Variants in FHAD1 observed in about 807,000 individuals in gnomAD.
FHAD1 encodes forkhead-associated domain-containing protein 1.
FHAD1 carries 146 observed loss-of-function variants against 191.3 expected under a neutral mutation model. The ratio of observed to expected loss-of-function variants is 0.76; its 90% CI spans 0.67 to 0.88. FHAD1 has a LOEUF of 0.88. Ranked by LOEUF, FHAD1 falls within the 40% of genes least tolerant of loss-of-function variation. The probability of loss-of-function intolerance (pLI) is 0.00; values close to 1 mark genes in which losing one functional copy is unlikely to be tolerated. For synonymous variants in FHAD1, 616 were observed against 672.3 expected (o/e 0.92, Z 1.29); for missense variants, 1,635 against 1,785.8 (o/e 0.92, Z 1.52).
intron 1 of FHAD1, among the ~76,000 whole-genome samples, chr1:15,238,250 G>GGAAA (rs375763210): frequency 1.0e-5 from 1 of 96,904 alleles, no homozygotes; most frequent in Non-Finnish European, 1.9e-5. Context: ...CCATCTCAAG[G>GGAAA]AAAAAAAAAA....
At chr1:15,368,870 G>A (rs1056428367) in intron 25 of FHAD1, among the ~76,000 whole-genome samples, 1 of 152,102 alleles carries the variant, frequency 6.6e-6, no homozygotes, top group East Asian at 1.9e-4. Context: ...CCTGGGAGGC[G>A]GAGGTTGCAG....
chr1:15,244,347 G>A (rs571726563), upstream of FHAD1, among the ~76,000 whole-genome samples: 1 of 152,206 alleles, frequency 6.6e-6, no homozygotes, highest in African/African-American at 2.4e-5. This position sits in a 1 kb window ranked among gnomAD's most constrained non-coding sequence, Gnocchi z 5.1. Context: ...GTTTTTCATT[G>A]AGATATCAGC....
intron 2 of FHAD1, among the ~76,000 whole-genome samples, chr1:15,255,166 AAAG>A (rs1213841122): frequency 3.9e-5 from 6 of 152,102 alleles, no homozygotes; most frequent in African/African-American, 1.4e-4. Flanking sequence ...CCTAGCAAAG[AAAG>A]AAGATTGTTT....
At chr1:15,358,036 GGT>G (rs1166891299) in intron 20 of FHAD1, 72 bp from the exon 21 acceptor site, 1 of 1,053,334 alleles carries the variant, frequency 9.5e-7, no homozygotes, top group African/African-American at 1.6e-5. Context: ...TGTCCTTGAA[GGT>G]GGGGGATAAG....
At chr1:15,243,600 C>T (rs1408047090), upstream of FHAD1, among the ~76,000 whole-genome samples, 1 of 152,212 alleles carries the variant, frequency 6.6e-6, no homozygotes, top group Non-Finnish European at 1.5e-5. Context: ...AAGAACAGCC[C>T]AGAGAAGGTG....
At chr1:15,367,708 GC>G (rs1243871237) in intron 25 of FHAD1, 86 bp downstream of exon 25, 12 of 1,081,714 alleles carry the variant, frequency 1.1e-5, no homozygotes, top group Non-Finnish European at 1.4e-5. Flanking sequence ...CTCAGTACAT[GC>G]TGCTTGAGGA....
At chr1:15,299,947 C>G (rs966649442) in intron 5 of FHAD1, among the ~76,000 whole-genome samples, 3 of 152,180 alleles carry the variant, frequency 2.0e-5, no homozygotes, top group Non-Finnish European at 4.4e-5. Context: ...TGACCAAAAC[C>G]CTGTGGTTCC....
At position 15,318,308 on chromosome 1, in the gene FHAD1, A is replaced by C. The variant is rs1054128121; in HGVS notation, c.1365+380A>C. ...GTATTGCATACTCCAGACCTGCGCT[A>C]TCCATAACAGTAGCCACTAACCGCG... On this transcript the variant is annotated intron_variant, in intron 10 of 33. Transcript: ENST00000688493. This position sits in a 1 kb window ranked among gnomAD's most constrained non-coding sequence, Gnocchi z 4.1. 1.3e-5 allele frequency among the ~76,000 whole-genome samples: 2 copies of C among 152,204 alleles called. No individual in the cohort carries two copies. The highest frequency in any genetic ancestry group is 3.8e-4 in the East Asian group (2 of 5,198).
rs1245005500 is a variant in FHAD1, at chr1:15,376,081, TTTTA to T, written c.3705+359_3705+362del. Among the ~76,000 whole-genome samples the T allele has an allele frequency of 4.1e-3, 522 of 128,790 alleles. 7 individuals carry two copies. The highest frequency in any genetic ancestry group is 0.012 in the African/African-American group (406 of 33,982). The allele number at this position is 128,790 out of a possible 152,430, so 84.5% of individuals were successfully genotyped here. ...TATTTATTTATTTATTTATTTATTTTTTTATTTATTTTTTTATTTATTTTTTGAG... is the reference window on the plus strand; with the variant it reads ...TATTTATTTATTTATTTATTTATTTTTTTATTTTTTTATTTATTTTTTGAG... On this transcript the variant is annotated intron_variant, in intron 28 of 33. Coordinates refer to ENST00000688493, the MANE Select transcript of FHAD1 (RefSeq NM_001391957.1).
intron 26 of FHAD1, among the ~76,000 whole-genome samples, chr1:15,371,644 T>G (rs951128753): frequency 6.6e-6 from 1 of 152,180 alleles, no homozygotes; most frequent in African/African-American, 2.4e-5. Context: ...TGCTGCCCCC[T>G]GCTATACACA....
chr1:15,315,387 A>G (rs1487665546), intron 8 of FHAD1: 1 of 152,050 alleles, frequency 6.6e-6, no homozygotes, highest in Non-Finnish European at 1.5e-5. Context: ...CCTCACATGG[A>G]TAAGAGCTTT....
chr1:15,364,776 C>T (rs575283093), intron 23 of FHAD1, among the ~76,000 whole-genome samples: 17 of 152,258 alleles, frequency 1.1e-4, no homozygotes, highest in African/African-American at 4.1e-4. Flanking sequence ...GACCTATCTC[C>T]GCCAGGCTGC....
chr1:15,340,148 CTG>C (rs1374764204), intron 15 of FHAD1, among the ~76,000 whole-genome samples: 4 of 152,168 alleles, frequency 2.6e-5, no homozygotes, highest in South Asian at 2.1e-4. Flanking sequence ...ATTTTGAAAA[CTG>C]TGTTTACTAA....
chr1:15,243,739 T>C (rs754707798), upstream of FHAD1, among the ~76,000 whole-genome samples: 30 of 152,218 alleles, frequency 2.0e-4, no homozygotes, highest in Non-Finnish European at 3.8e-4. Context: ...CTTCACTCCC[T>C]GCCCTGGGCA....
intron 32 of FHAD1, among the ~76,000 whole-genome samples, chr1:15,389,741 A>G (rs1379480540): frequency 6.6e-6 from 1 of 152,194 alleles, no homozygotes; most frequent in African/African-American, 2.4e-5. Flanking sequence ...GGTCTGGGGA[A>G]TGCCAAATGG....
chr1:15,383,540 G>A, intron 31 of FHAD1: 1 of 337,796 alleles, frequency 3.0e-6, no homozygotes, highest in Non-Finnish European at 5.9e-6. Flanking sequence ...CTTTGCAGTT[G>A]ACATATTCAT....
intron 29 of FHAD1, 48 bp downstream of exon 29, chr1:15,380,844 C>G (rs1303351439): frequency 7.0e-7 from 1 of 1,421,820 alleles, no homozygotes; most frequent in African/African-American, 1.4e-5. Flanking sequence ...GCCTGGGGCC[C>G]CTGCAGTCAG....
rs1019740861 is a variant in FHAD1, at chr1:15,329,692, G to T, written c.1906+151G>T. On this transcript the variant is annotated intron_variant, in intron 14 of 33. Coordinates refer to ENST00000688493, the MANE Select transcript of FHAD1 (RefSeq NM_001391957.1). The surrounding 1 kb of genome is among the most constrained non-coding windows in gnomAD (Gnocchi z 5.0). The stretch of plus-strand genomic sequence containing the variant: ...AACCCCCTGCTTCTCTGCTTGAGGC[G>T]TAATTTTCCATTAAAAAAAAAAACA... 1.8e-6 allele frequency: 1 copy of T among 567,192 alleles called. No individual in the cohort carries two copies. The highest frequency in any genetic ancestry group is 3.0e-6 in the Non-Finnish European group (1 of 335,138). The allele number at this position is 567,192 out of a possible 1,614,324, so 35.1% of individuals were successfully genotyped here. A position where few individuals can be genotyped will look rare whatever the true frequency, so the allele number is the denominator to read the frequency against.
chr1:15,334,902 A>G (rs907914663), intron 14 of FHAD1, among the ~76,000 whole-genome samples: 2 of 152,174 alleles, frequency 1.3e-5, no homozygotes, highest in African/African-American at 4.8e-5. Flanking sequence ...CCTCCTTAGA[A>G]TCTGACAGTG....
Sources: allele counts gnomAD v4.1 joint callset (sites outside exome capture counted in the v4.1 genomes callset), GRCh38; gene constraint gnomAD v4.1.1; non-coding constraint Gnocchi (gnomAD v3.1); transcripts MANE v1.5; gene names NCBI Gene and HGNC (gene_info 2026-07-23, HGNC 2026-07-21).